RMND1: variants seen among roughly 807,000 people sequenced by gnomAD.
RMND1 encodes required for meiotic nuclear division 1 homolog, also known as required for meiotic nuclear division protein 1 homolog.
RMND1 carries 41 observed loss-of-function variants against 54.0 expected under a neutral mutation model. The observed-to-expected ratio is 0.76, with a 90% CI of 0.59 to 0.98. RMND1 has a LOEUF of 0.98. Among genes scored for constraint, RMND1 ranks in the 50% least tolerant of loss-of-function variants. The pLI, the probability that RMND1 is intolerant of heterozygous loss-of-function variation, is 0.00. For missense variants in RMND1, 457 were observed against 532.0 expected (o/e 0.86, Z 1.39); for synonymous variants, 183 against 181.7 (o/e 1.01, Z -0.06).
At chr6:151,436,958 G>T in intron 2 of RMND1, 1 of 156,928 alleles carries the variant, frequency 6.4e-6, no homozygotes, top group East Asian at 1.8e-4. Context: ...TAGTATTTGA[G>T]GTCATTTCCT....
chr6:151,451,201 A>T (rs1279882221), intron 1 of RMND1, among the ~76,000 whole-genome samples: 7 of 124,562 alleles, frequency 5.6e-5, no homozygotes, highest in African/African-American at 1.4e-4. Context: ...TGATCAATAA[A>T]AAAAAAAAAA....
At chr6:151,411,740 A>G (rs1779841013) in intron 10 of RMND1, 1 of 152,190 alleles carries the variant, frequency 6.6e-6, no homozygotes, top group Non-Finnish European at 1.5e-5. Context: ...CTAAGCTGAG[A>G]CCAGCGGCAT....
intron 9 of RMND1, among the ~76,000 whole-genome samples, chr6:151,418,234 C>A (rs1241237162): frequency 6.6e-6 from 1 of 152,024 alleles, no homozygotes; most frequent in Non-Finnish European, 1.5e-5. Flanking sequence ...GACAGCACAG[C>A]GAAACCCTAT....
At chr6:151,445,065 A>G (rs1346696308) in intron 2 of RMND1, 2 of 415,472 alleles carry the variant, frequency 4.8e-6, no homozygotes. Context: ...CAATAACCAA[A>G]TCTTTTATAA....
At chr6:151,450,948 T>A (rs565701218) in intron 1 of RMND1, among the ~76,000 whole-genome samples, 86 of 152,262 alleles carry the variant, frequency 5.6e-4, no homozygotes, top group African/African-American at 1.9e-3. Flanking sequence ...CACTCAGAGT[T>A]GAATGGATTA....
chr6:151,444,951 C>G (rs181166057), intron 2 of RMND1: 5 of 175,782 alleles, frequency 2.8e-5, no homozygotes, highest in Non-Finnish European at 5.9e-5. Flanking sequence ...TTTTTTTTAA[C>G]TTGATGAAGA....
At chr6:151,433,554 CTAAG>C (rs1341033224) in intron 3 of RMND1, among the ~76,000 whole-genome samples, 5 of 152,112 alleles carry the variant, frequency 3.3e-5, no homozygotes, top group Non-Finnish European at 5.9e-5. Flanking sequence ...TTCCATACAA[CTAAG>C]TGTCAAGAAT....
chr6:151,444,069 T>C (rs2114969394), intron 2 of RMND1, among the ~76,000 whole-genome samples: 1 of 152,320 alleles, frequency 6.6e-6, no homozygotes, highest in East Asian at 1.9e-4. Flanking sequence ...ATAGATACGG[T>C]ATTTAGGAAA....
chr6:151,415,792 CAAAAA>C (rs3029408), intron 10 of RMND1, among the ~76,000 whole-genome samples: 192 of 93,748 alleles, frequency 2.0e-3, no homozygotes, highest in African/African-American at 6.0e-3. Flanking sequence ...GACTCCGTCT[CAAAAA>C]AAAAAAAAAA....
intron 2 of RMND1, among the ~76,000 whole-genome samples, chr6:151,441,918 G>A (rs1364345036): frequency 1.3e-5 from 2 of 152,182 alleles, no homozygotes; most frequent in African/African-American, 4.8e-5. Context: ...TTGGTCAGAA[G>A]CACAGGTGTC....
chr6:151,419,011 C>G (rs766815229), intron 9 of RMND1, among the ~76,000 whole-genome samples: 9 of 151,940 alleles, frequency 5.9e-5, no homozygotes, highest in Admixed American at 1.3e-4. Context: ...CTCAGATGAT[C>G]CACTGGCCTC....
At chr6:151,415,710 G>C (rs1427641084) in intron 10 of RMND1, among the ~76,000 whole-genome samples, 1 of 150,634 alleles carries the variant, frequency 6.6e-6, no homozygotes, top group Non-Finnish European at 1.5e-5. Context: ...GGAGAATGGC[G>C]TGAACCCGGG....
chr6:151,421,162 T>G, intron 9 of RMND1, 83 bp downstream of exon 9: 1 of 977,240 alleles, frequency 1.0e-6, no homozygotes, highest in Non-Finnish European at 1.6e-6. Flanking sequence ...TGTAAATGTT[T>G]GCTCTTCACC....
chr6:151,415,234 A>T (rs551408243), intron 10 of RMND1, among the ~76,000 whole-genome samples: 1 of 152,270 alleles, frequency 6.6e-6, no homozygotes, highest in Non-Finnish European at 1.5e-5. Context: ...ATAGTTAAGA[A>T]AATTATAAAT....
intron 10 of RMND1, among the ~76,000 whole-genome samples, chr6:151,406,359 TTTGTTG>T (rs906955676): frequency 9.6e-5 from 11 of 114,324 alleles, no homozygotes; most frequent in African/African-American, 3.9e-4. Context: ...AACTTTTTTT[TTTGTTG>T]TTGTTGTTGT....
At chr6:151,436,419 C>T (rs780285775) in intron 3 of RMND1, 27 bp downstream of exon 3, 14 of 1,612,966 alleles carry the variant, frequency 8.7e-6, no homozygotes, top group Non-Finnish European at 1.2e-5. Flanking sequence ...TTTTAACATA[C>T]TTGGCCCCAG....
chr6:151,405,403 TG>T, intron 11 of RMND1, 136 bp from the exon 12 acceptor site: 1 of 770,002 alleles, frequency 1.3e-6, no homozygotes. Flanking sequence ...TGGCAACCTA[TG>T]AATTGGAGGT....
intron 1 of RMND1, among the ~76,000 whole-genome samples, chr6:151,447,918 A>T (rs1781006801): frequency 6.8e-6 from 1 of 147,896 alleles, no homozygotes; most frequent in Non-Finnish European, 1.5e-5. Flanking sequence ...GGTTCAAGCG[A>T]TTCTCCTGCC....
intron 3 of RMND1, among the ~76,000 whole-genome samples, chr6:151,433,723 A>G (rs1295860421): frequency 6.6e-6 from 1 of 152,242 alleles, no homozygotes; most frequent in Non-Finnish European, 1.5e-5. Context: ...AATAGAAAAT[A>G]CACAGAAATA....
Sources: gnomAD v4.1 joint callset for allele counts (sites outside exome capture counted in the v4.1 genomes callset) on GRCh38, gnomAD v4.1.1 for gene constraint, MANE v1.5 for transcripts, NCBI Gene and HGNC (gene_info 2026-07-23, HGNC 2026-07-21) for gene names.